Variants in KALRN observed in about 807,000 individuals in gnomAD.
KALRN encodes kalirin RhoGEF kinase, also known as kalirin.
A neutral mutation model predicts 353.7 loss-of-function variants in KALRN; 70 were observed. The ratio of observed to expected loss-of-function variants is 0.20; its 90% CI spans 0.16 to 0.24. The LOEUF is 0.24. Among genes scored for constraint, KALRN ranks in the 10% least tolerant of loss-of-function variants. The pLI, the probability that KALRN is intolerant of heterozygous loss-of-function variation, is 1.00. For synonymous variants in KALRN, 1,391 were observed against 1,434.8 expected, an observed-to-expected ratio of 0.97 and a Z score of 0.69; for missense variants, 2,791 against 3,756.7, an observed-to-expected ratio of 0.74 and a Z score of 6.72.
At chr3:124,398,610 C>T (rs1314106457) in intron 12 of KALRN, 87 bp from the exon 13 acceptor site, 1 of 1,327,852 alleles carries the variant, frequency 7.5e-7, no homozygotes. Flanking sequence ...ATCCACCTTG[C>T]TCAGATGAGG....
chr3:124,489,871 T>C (rs959249139), intron 29 of KALRN, among the ~76,000 whole-genome samples: 1 of 152,246 alleles, frequency 6.6e-6, no homozygotes, highest in African/African-American at 2.4e-5. Flanking sequence ...TTATGCACAG[T>C]AAAGTTTGAG....
intron 33 of KALRN, among the ~76,000 whole-genome samples, chr3:124,538,415 G>A (rs2109285953): frequency 6.6e-6 from 1 of 152,286 alleles, no homozygotes; most frequent in Middle Eastern, 3.4e-3. Context: ...TTGGTCAGAG[G>A]AGAAGGTTGT....
intron 6 of KALRN, among the ~76,000 whole-genome samples, chr3:124,300,264 TAATC>T (rs2077159517): frequency 6.6e-6 from 1 of 152,212 alleles, no homozygotes; most frequent in Non-Finnish European, 1.5e-5. Flanking sequence ...GAAAAGTAGA[TAATC>T]ATGGTGCAGC....
chr3:124,205,391 G>A (rs1234452682), intron 1 of KALRN, among the ~76,000 whole-genome samples: 4 of 152,172 alleles, frequency 2.6e-5, no homozygotes, highest in African/African-American at 7.2e-5. Flanking sequence ...AATGAAAATC[G>A]CTCTCGCAGC....
intron 13 of KALRN, chr3:124,407,748 C>G (rs1327087173): frequency 6.6e-6 from 1 of 152,148 alleles, no homozygotes; most frequent in Non-Finnish European, 1.5e-5. Flanking sequence ...TAGCATGGGC[C>G]CTGACGCACA....
chr3:124,286,131 C>CTTTCTT (rs2075864245), intron 5 of KALRN, among the ~76,000 whole-genome samples: 1 of 143,116 alleles, frequency 7.0e-6, no homozygotes, highest in South Asian at 2.2e-4. Context: ...TTCTTTCTTT[C>CTTTCTT]TTTCTTTCCT....
At chr3:124,513,268 G>A (rs920314349) in intron 33 of KALRN, among the ~76,000 whole-genome samples, 1 of 152,166 alleles carries the variant, frequency 6.6e-6, no homozygotes, top group African/African-American at 2.4e-5. Flanking sequence ...GAAAAGGTGA[G>A]GAAAAGCTTG....
intron 1 of KALRN, among the ~76,000 whole-genome samples, chr3:124,157,928 G>A (rs997447440): frequency 6.6e-6 from 1 of 152,184 alleles, no homozygotes; most frequent in African/African-American, 2.4e-5. Flanking sequence ...GTGGCTGTGG[G>A]TCTGGGACCT....
chr3:124,396,905 A>G (rs2090236155), intron 12 of KALRN, among the ~76,000 whole-genome samples: 1 of 152,214 alleles, frequency 6.6e-6, no homozygotes, highest in Admixed American at 6.5e-5. Flanking sequence ...CCTCCCTGAC[A>G]TCAAGGCATG....
chr3:124,660,264 T>C (rs2150215186), intron 43 of KALRN, among the ~76,000 whole-genome samples: 1 of 152,296 alleles, frequency 6.6e-6, no homozygotes, highest in East Asian at 1.9e-4. Flanking sequence ...CTTAACTTGA[T>C]TCATCTTATG....
chr3:124,315,779 T>C (rs375573939), intron 6 of KALRN, among the ~76,000 whole-genome samples: 1 of 152,212 alleles, frequency 6.6e-6, no homozygotes. Flanking sequence ...CCTTTCTTTG[T>C]GGTCTCCTGG....
chr3:124,514,116 T>C (rs1269473424), intron 33 of KALRN, among the ~76,000 whole-genome samples: 2 of 152,224 alleles, frequency 1.3e-5, no homozygotes, highest in African/African-American at 4.8e-5. Context: ...TTTTTGTTAC[T>C]GTATATCTCA....
chr3:124,290,880 G>C (rs2076358609), intron 5 of KALRN, among the ~76,000 whole-genome samples: 1 of 152,152 alleles, frequency 6.6e-6, no homozygotes, highest in South Asian at 2.1e-4. Context: ...ATATCATGGA[G>C]ATAAATTGTT....
intron 36 of KALRN, 118 bp downstream of exon 36, chr3:124,634,071 T>A: frequency 1.4e-6 from 1 of 734,732 alleles, no homozygotes; most frequent in Non-Finnish European, 2.3e-6. Context: ...TCCACATGAA[T>A]CCATGTTGAT....
At position 124,572,420 on chromosome 3, in the gene KALRN, G is replaced by A. The variant is rs1045612936; in HGVS notation, c.5182+9331G>A. On this transcript the variant is annotated intron_variant, in intron 34 of 59. Transcript: ENST00000682506. Reference sequence around the variant, plus strand: ...CCAACCTAATGTATTGTAATCTACTGTTTTTTTTCCTTAAAAGGGTACTGG... The same window carrying A: ...CCAACCTAATGTATTGTAATCTACTATTTTTTTTCCTTAAAAGGGTACTGG... Among the ~76,000 whole-genome samples, 7 of 151,708 alleles carry A rather than the reference G, an allele frequency of 4.6e-5. No homozygotes were observed. The East Asian group carries it at 5.8e-4, about 13-fold the overall frequency.
At chr3:124,293,484 G>T (rs1390531780) in intron 5 of KALRN, among the ~76,000 whole-genome samples, 1 of 151,828 alleles carries the variant, frequency 6.6e-6, no homozygotes, top group Non-Finnish European at 1.5e-5. Flanking sequence ...GGAGAAAAAG[G>T]TTTCTGTTTG....
chr3:124,262,774 G>A (rs1285497161), intron 3 of KALRN, among the ~76,000 whole-genome samples: 1 of 152,134 alleles, frequency 6.6e-6, no homozygotes, highest in Non-Finnish European at 1.5e-5. Context: ...ATTTCTTTTT[G>A]TGACCTGAAT....
intron 1 of KALRN, among the ~76,000 whole-genome samples, chr3:124,035,522 CT>C (rs922934834): frequency 7.9e-5 from 12 of 152,174 alleles, no homozygotes; most frequent in African/African-American, 2.9e-4. Context: ...CTGGACTCCA[CT>C]TTTACCTTTT....
intron 37 of KALRN, among the ~76,000 whole-genome samples, chr3:124,645,362 T>G (rs558248827): frequency 3.3e-5 from 5 of 152,258 alleles, no homozygotes; most frequent in Non-Finnish European, 7.3e-5. Flanking sequence ...TTGGCTTTTG[T>G]TGCCATTGCT....
Sources: gnomAD v4.1 joint callset for allele counts (sites outside exome capture counted in the v4.1 genomes callset) on GRCh38, gnomAD v4.1.1 for gene constraint, MANE v1.5 for transcripts, NCBI Gene and HGNC (gene_info 2026-07-23, HGNC 2026-07-21) for gene names.